Variants in SPCS2 observed in about 807,000 individuals in gnomAD.
SPCS2 encodes the protein SPase 25 kDa subunit.
Under a neutral mutation model 22.3 loss-of-function variants are expected in SPCS2, and 3 were observed. The ratio of observed to expected loss-of-function variants is 0.13; its 90% CI spans 0.06 to 0.35. The LOEUF (loss-of-function observed/expected upper bound fraction) is 0.35. Ranked by LOEUF, SPCS2 falls within the 10% of genes least tolerant of loss-of-function variation. The pLI is 1.00. For missense variants in SPCS2, 169 were observed against 280.9 expected, an observed-to-expected ratio of 0.60 and a Z score of 2.85; for synonymous variants, 67 against 97.2, an observed-to-expected ratio of 0.69 and a Z score of 1.83.
chr11:74,951,884 T>G (rs925325000), intron 1 of SPCS2, among the ~76,000 whole-genome samples: 2 of 151,100 alleles, frequency 1.3e-5, no homozygotes, highest in Admixed American at 6.6e-5. Context: ...GGCACCTTAT[T>G]TGGGGGGAGA....
intron 3 of SPCS2, among the ~76,000 whole-genome samples, chr11:74,967,616 G>A (rs990640038): frequency 6.6e-6 from 1 of 152,134 alleles, no homozygotes. Context: ...GGGCATGGTG[G>A]CGCATGCCTG....
At chr11:74,972,824 C>G (rs1948592516) in intron 4 of SPCS2, among the ~76,000 whole-genome samples, 1 of 150,474 alleles carries the variant, frequency 6.6e-6, no homozygotes, top group Non-Finnish European at 1.5e-5. Flanking sequence ...TAAAATCTAT[C>G]TCATTTCATT....
intron 1 of SPCS2, among the ~76,000 whole-genome samples, chr11:74,959,215 A>T (rs1050470373): frequency 6.6e-6 from 1 of 152,248 alleles, no homozygotes; most frequent in Admixed American, 6.5e-5. Context: ...GTGTGAATTG[A>T]GGAATCCTTT....
chr11:74,951,304 A>C (rs78022531), intron 1 of SPCS2, among the ~76,000 whole-genome samples: 1 of 152,144 alleles, frequency 6.6e-6, no homozygotes, highest in Non-Finnish European at 1.5e-5. Context: ...CACATTAATG[A>C]TCTCCATTAC....
intron 1 of SPCS2, among the ~76,000 whole-genome samples, chr11:74,955,589 G>C (rs1565484707): frequency 6.6e-6 from 1 of 151,398 alleles, no homozygotes; most frequent in Non-Finnish European, 1.5e-5. Flanking sequence ...TCTTTTTGAG[G>C]GTATGCATAT....
intron 1 of SPCS2, among the ~76,000 whole-genome samples, chr11:74,951,702 C>T (rs1238673280): frequency 2.0e-5 from 3 of 150,128 alleles, no homozygotes; most frequent in African/African-American, 7.4e-5. Flanking sequence ...CCCACCTACT[C>T]GGGAGGCTGA....
intron 3 of SPCS2, among the ~76,000 whole-genome samples, chr11:74,966,611 G>A (rs1948547315): frequency 6.6e-6 from 1 of 151,892 alleles, no homozygotes; most frequent in South Asian, 2.1e-4. Flanking sequence ...TCTTTTTTAT[G>A]ATAAATGTAA....
At chr11:74,950,598 T>C (rs1335859083) in intron 1 of SPCS2, among the ~76,000 whole-genome samples, 1 of 152,228 alleles carries the variant, frequency 6.6e-6, no homozygotes, top group African/African-American at 2.4e-5. Flanking sequence ...TTGCCCAGAA[T>C]GGATCTTAGC....
intron 1 of SPCS2, among the ~76,000 whole-genome samples, chr11:74,953,930 C>G (rs1308587062): frequency 6.6e-6 from 1 of 152,220 alleles, no homozygotes; most frequent in Non-Finnish European, 1.5e-5. Flanking sequence ...ATTTCTGTCT[C>G]CTGGCTGGCC....
chr11:74,953,082 C>T (rs1948455907), intron 1 of SPCS2, among the ~76,000 whole-genome samples: 1 of 151,874 alleles, frequency 6.6e-6, no homozygotes, highest in South Asian at 2.1e-4. Flanking sequence ...GAGGATGGTG[C>T]CTCTAATTGT....
At chr11:74,953,236 A>G in intron 1 of SPCS2, among the ~76,000 whole-genome samples, 1 of 150,362 alleles carries the variant, frequency 6.7e-6, no homozygotes. Context: ...TTTTTTTGAG[A>G]CAGAGTCTCG....
At chr11:74,953,773 C>G (rs1384600408) in intron 1 of SPCS2, among the ~76,000 whole-genome samples, 1 of 152,164 alleles carries the variant, frequency 6.6e-6, no homozygotes, top group Non-Finnish European at 1.5e-5. Context: ...GTTATTTTGC[C>G]CCAAATACAT....
intron 4 of SPCS2, among the ~76,000 whole-genome samples, chr11:74,975,010 C>T (rs555652728): frequency 6.6e-6 from 1 of 152,128 alleles, no homozygotes; most frequent in African/African-American, 2.4e-5. Flanking sequence ...AAACATAAGT[C>T]AGATCAACTC....
intron 1 of SPCS2, among the ~76,000 whole-genome samples, chr11:74,961,532 GTTTGT>G (rs1410119386): frequency 2.1e-5 from 3 of 144,978 alleles, no homozygotes; most frequent in African/African-American, 8.0e-5. Flanking sequence ...TGTTGTTGTT[GTTTGT>G]TTGTTTGTTT....
At chr11:74,955,923 C>T (rs892039011) in intron 1 of SPCS2, among the ~76,000 whole-genome samples, 1 of 128,058 alleles carries the variant, frequency 7.8e-6, no homozygotes, top group Non-Finnish European at 1.6e-5. Context: ...CTGTTGCTAG[C>T]ACCATTTCTC....
intron 3 of SPCS2, chr11:74,968,124 C>G (rs1459666853): frequency 6.6e-6 from 1 of 152,116 alleles, no homozygotes; most frequent in African/African-American, 2.4e-5. Flanking sequence ...ACTCTAAAGT[C>G]CATATACTTT....
chr11:74,975,886 A>G (rs1948611176), intron 4 of SPCS2, among the ~76,000 whole-genome samples: 1 of 152,222 alleles, frequency 6.6e-6, no homozygotes, highest in South Asian at 2.1e-4. Context: ...TCCACTGAAT[A>G]TGTCCTAATA....
At chr11:74,955,757 T>G (rs1948473949) in intron 1 of SPCS2, among the ~76,000 whole-genome samples, 2 of 149,828 alleles carry the variant, frequency 1.3e-5, no homozygotes, top group Admixed American at 1.3e-4. Flanking sequence ...CCCTTAAAGT[T>G]TCAAATTATT....
At chr11:74,962,286 T>C (rs1466730601) in intron 1 of SPCS2, among the ~76,000 whole-genome samples, 2 of 152,212 alleles carry the variant, frequency 1.3e-5, no homozygotes, top group African/African-American at 4.8e-5. Context: ...GCCATTCTTA[T>C]CACTGAGGGA....
Sources: allele counts gnomAD v4.1 joint callset (sites outside exome capture counted in the v4.1 genomes callset), GRCh38; gene constraint gnomAD v4.1.1; transcripts MANE v1.5; gene names NCBI Gene and HGNC (gene_info 2026-07-23, HGNC 2026-07-21).